Variants in BMP1 observed in about 807,000 individuals in gnomAD.
BMP1 encodes mammalian tolloid protein.
In BMP1, 63 loss-of-function variants were observed where a neutral mutation model predicts 116.8. The observed-to-expected ratio is 0.54, with a 90% confidence interval of 0.44 to 0.67. The LOEUF (loss-of-function observed/expected upper bound fraction) is 0.67. BMP1 is among the 30% of genes least tolerant of loss of function. BMP1 has a pLI of 0.00. For missense variants in BMP1, 1,183 were observed against 1,358.9 expected (o/e 0.87, Z 2.04); for synonymous variants, 536 against 533.4 (o/e 1.00, Z -0.07).
chr8:22,199,755 C>T (rs1052234609), intron 15 of BMP1, among the ~76,000 whole-genome samples: 3 of 152,290 alleles, frequency 2.0e-5, no homozygotes, highest in Admixed American at 6.5e-5. Context: ...GGGTGCCCTT[C>T]ACCCCCACAT....
chr8:22,209,820 G>C (rs1036471774), intron 19 of BMP1, 125 bp downstream of exon 19: 9 of 1,012,538 alleles, frequency 8.9e-6, no homozygotes, highest in African/African-American at 1.6e-5. Flanking sequence ...TGCAGCACGC[G>C]TGTGGCCCTG....
Position 22,177,972 on chromosome 8 carries a change from T to G in BMP1, c.836+15T>G, listed in dbSNP as rs1563245932. On this transcript the variant is annotated intron_variant, in intron 6 of 19. Coordinates refer to ENST00000306385, the MANE Select transcript of BMP1 (RefSeq NM_006129.5). ...ACATTCTCCAGGTGGGAGACGGGAT[T>G]GGGGCTGGGCCTCTGCTCGGGCAGC... The G allele has an allele frequency of 1.3e-6, 2 of 1,592,228 alleles. No homozygotes were observed. Among genetic ancestry groups the G allele is most frequent in the East Asian group, 4.5e-5 (2 of 44,554 alleles).
intron 19 of BMP1, among the ~76,000 whole-genome samples, chr8:22,210,262 C>T (rs1829437840): frequency 6.6e-6 from 1 of 152,150 alleles, no homozygotes; most frequent in South Asian, 2.1e-4. Context: ...CGTTAAGAGT[C>T]AATGAGCAAA....
rs752543410 is a variant in BMP1, at chr8:22,179,712, T to C, written c.844T>C (p.Phe282Leu). The part of the protein sequence containing the change: ...YARNTFSRGI[F>L]LDTIVPKYEV... ...TTTCTCCCTCTTCTTCAGGGGCATC[T>C]TCCTGGATACCATTGTCCCCAAGTA... is the stretch of plus-strand genomic sequence containing the variant. Residue 282 changes from phenylalanine to leucine, a missense_variant, in exon 7 of 20, where the codon TTC (phenylalanine) becomes CTC (leucine). Around this residue, in one of 4 missense-constraint regions of BMP1, gnomAD observed 956 missense variants for 1,135.2 expected, o/e 0.84. Transcript: ENST00000306385. The surrounding 1 kb of genome is among the most constrained non-coding windows in gnomAD (Gnocchi z 4.6). 1 of 1,614,024 alleles carries C rather than the reference T, an allele frequency of 6.2e-7. No individual in the cohort carries two copies. Among genetic ancestry groups the C allele is most frequent in the Non-Finnish European group, 8.5e-7 (1 of 1,179,908 alleles).
chr8:22,203,418 G>A (rs1023214290), intron 16 of BMP1, among the ~76,000 whole-genome samples: 3 of 152,096 alleles, frequency 2.0e-5, no homozygotes, highest in Admixed American at 6.6e-5. Flanking sequence ...TTAGCCAGGC[G>A]TGGTGGGACG....
At chr8:22,169,817 T>G (rs1321546137) in intron 1 of BMP1, 1 of 151,796 alleles carries the variant, frequency 6.6e-6, no homozygotes, top group East Asian at 1.9e-4. Context: ...CCTGAAAGAG[T>G]GAGATTCTTC....
intron 16 of BMP1, among the ~76,000 whole-genome samples, chr8:22,204,800 G>A (rs936108216): frequency 4.0e-5 from 6 of 149,634 alleles, no homozygotes; most frequent in East Asian, 2.0e-4. Flanking sequence ...TCAGATTGCC[G>A]TGGATTGAGG....
In BMP1 at chr8:22,184,755, G is replaced by A. The variant is rs79105794; in HGVS notation, c.1077+4272G>A. 6.6e-3 allele frequency among the ~76,000 whole-genome samples: 1,011 copies of A among 152,312 alleles called. 20 individuals carry two copies. The East Asian group carries it at 0.074, about 11-fold the overall frequency. On this transcript the variant is annotated intron_variant, in intron 8 of 19. Coordinates refer to ENST00000306385, the MANE Select transcript of BMP1 (RefSeq NM_006129.5). Reference sequence around the variant, plus strand: ...AGCCAAGAGAATGGAGGCTTCAAGCGCTTGAGTAAATCTACCCAAGTTTAC... The same window carrying A: ...AGCCAAGAGAATGGAGGCTTCAAGCACTTGAGTAAATCTACCCAAGTTTAC...
chr8:22,202,235 A>G (rs1193766936), intron 16 of BMP1, among the ~76,000 whole-genome samples: 1 of 152,238 alleles, frequency 6.6e-6, no homozygotes, highest in East Asian at 1.9e-4. Context: ...CTACCGGCAC[A>G]GAGGCGAGAA....
intron 1 of BMP1, chr8:22,171,078 G>A (rs1188883162): frequency 6.6e-6 from 1 of 152,226 alleles, no homozygotes; most frequent in Admixed American, 6.5e-5. Flanking sequence ...GGCCACTCTT[G>A]CATGTCACCT....
At chr8:22,189,293 A>G (rs2131872358) in intron 8 of BMP1, among the ~76,000 whole-genome samples, 1 of 152,106 alleles carries the variant, frequency 6.6e-6, no homozygotes, top group Admixed American at 6.5e-5. Flanking sequence ...CTTTTGCAAC[A>G]TACCTTGCAC....
At chr8:22,192,485 A>G (rs1828963400) in intron 9 of BMP1, 1 of 223,372 alleles carries the variant, frequency 4.5e-6, no homozygotes, top group Admixed American at 5.4e-5. Flanking sequence ...CCATGGCCCC[A>G]GGCTCTCTTC....
intron 1 of BMP1, among the ~76,000 whole-genome samples, chr8:22,166,735 T>A (rs549189360): frequency 6.6e-6 from 1 of 152,246 alleles, no homozygotes; most frequent in South Asian, 2.1e-4. Context: ...CAGGCAGGAA[T>A]AAGAGACCAT....
chr8:22,176,720 C>T, intron 4 of BMP1, 70 bp downstream of exon 4: 7 of 1,510,610 alleles, frequency 4.6e-6, no homozygotes, highest in South Asian at 3.4e-5. Flanking sequence ...TGGGCCCTGC[C>T]ACTGCCCCCA....
At chr8:22,203,431 C>T (rs1433909787) in intron 16 of BMP1, among the ~76,000 whole-genome samples, 1 of 152,144 alleles carries the variant, frequency 6.6e-6, no homozygotes, top group Admixed American at 6.6e-5. Context: ...GTGGGACGCA[C>T]CTGTAATCCC....
At chr8:22,183,524 C>A (rs1341182396) in intron 8 of BMP1, among the ~76,000 whole-genome samples, 1 of 152,026 alleles carries the variant, frequency 6.6e-6, no homozygotes, top group Admixed American at 6.6e-5. Flanking sequence ...CTTGGGAAAT[C>A]TCACCCACCG....
chr8:22,209,723 G>A, intron 19 of BMP1, 28 bp downstream of exon 19: 1 of 1,604,732 alleles, frequency 6.2e-7, no homozygotes, highest in Non-Finnish European at 8.5e-7. Context: ...CGCCCTCCTG[G>A]CCCCATGCCC....
At chr8:22,176,829 G>A in intron 4 of BMP1, 132 bp from the exon 5 acceptor site, 1 of 963,304 alleles carries the variant, frequency 1.0e-6, no homozygotes, top group Non-Finnish European at 1.6e-6. Context: ...CACAGCCTGG[G>A]CACTCGGTGC....
At chr8:22,210,958 G>T (rs547570719) in intron 19 of BMP1, among the ~76,000 whole-genome samples, 1 of 152,370 alleles carries the variant, frequency 6.6e-6, no homozygotes, top group Admixed American at 6.5e-5. Flanking sequence ...GGGCGTTGAC[G>T]TCCGATGCTC....
Sources: gnomAD v4.1 joint callset for allele counts (sites outside exome capture counted in the v4.1 genomes callset) on GRCh38, gnomAD v4.1.1 for gene constraint, gnomAD v4.1.1 regional missense constraint, Gnocchi (gnomAD v3.1) non-coding constraint, MANE v1.5 for transcripts, NCBI Gene and HGNC (gene_info 2026-07-23, HGNC 2026-07-21) for gene names.